UHRF1: variants seen among roughly 807,000 people sequenced by gnomAD.
The protein encoded by UHRF1 is ubiquitin like with PHD and ring finger domains 1, also known as E3 ubiquitin-protein ligase UHRF1.
UHRF1 carries 9 observed loss-of-function variants against 96.5 expected under a neutral mutation model. The observed-to-expected ratio is 0.09, with a 90% CI of 0.06 to 0.16. The LOEUF (loss-of-function observed/expected upper bound fraction) is 0.16, where lower values mean the gene tolerates loss of function less well. Ranked by LOEUF, UHRF1 falls within the 10% of genes least tolerant of loss-of-function variation. The pLI, the probability that UHRF1 is intolerant of heterozygous loss-of-function variation, is 1.00. For missense variants in UHRF1, 626 were observed against 1,131.1 expected (o/e 0.55, Z 6.40); for synonymous variants, 455 against 469.9 (o/e 0.97, Z 0.41).
chr19:4,912,279 C>T (rs1218682432), intron 2 of UHRF1, among the ~76,000 whole-genome samples: 2 of 152,222 alleles, frequency 1.3e-5, no homozygotes, highest in Non-Finnish European at 2.9e-5. Flanking sequence ...CTTCCTCCCT[C>T]CTCCTATGAT....
At chr19:4,947,024 TGGGGAG>T in intron 10 of UHRF1, 75 bp from the exon 11 acceptor site, 1 of 1,078,962 alleles carries the variant, frequency 9.3e-7, no homozygotes, top group East Asian at 2.4e-5. Flanking sequence ...GTAGCCATCC[TGGGGAG>T]TTTGCTTTCA....
upstream of UHRF1, chr19:4,909,349 G>C (rs1333973120): frequency 1.0e-5 from 6 of 593,262 alleles, no homozygotes; most frequent in Admixed American, 3.0e-5. Context: ...CCCACTAGGC[G>C]GAGGCGCCGT....
At chr19:4,926,769 A>G (rs2032884161) in intron 2 of UHRF1, among the ~76,000 whole-genome samples, 1 of 122,222 alleles carries the variant, frequency 8.2e-6, no homozygotes, top group Non-Finnish European at 1.6e-5. Flanking sequence ...TTTCTAAAGG[A>G]AAAAAAAAAA....
chr19:4,917,793 G>C (rs1458314489), intron 2 of UHRF1, among the ~76,000 whole-genome samples: 2 of 151,438 alleles, frequency 1.3e-5, no homozygotes, highest in Non-Finnish European at 2.9e-5. Flanking sequence ...GAGTAGCTGG[G>C]ACTACAGGTG....
At chr19:4,951,023 T>C in intron 13 of UHRF1, 27 bp downstream of exon 13, 2 of 1,575,280 alleles carry the variant, frequency 1.3e-6, no homozygotes, top group Admixed American at 3.8e-5. Context: ...GGATGGCACT[T>C]TGGGAGGCCA....
chr19:4,953,749 A>C (rs534819579), intron 13 of UHRF1, among the ~76,000 whole-genome samples: 1 of 152,342 alleles, frequency 6.6e-6, no homozygotes, highest in Admixed American at 6.5e-5. Context: ...TATTTAATAA[A>C]AATTAGAATG....
intron 16 of UHRF1, among the ~76,000 whole-genome samples, chr19:4,959,951 C>T (rs2033948359): frequency 6.6e-6 from 1 of 152,238 alleles, no homozygotes; most frequent in Non-Finnish European, 1.5e-5. Flanking sequence ...ACCTCCGCCT[C>T]CCGGGTTCAA....
Position 4,954,590 on chromosome 19 carries a change from G to A in UHRF1, c.1958-60G>A, listed in dbSNP as rs2033803660. The A allele has an allele frequency of 6.3e-7, 1 of 1,592,862 alleles. No individual in the cohort carries two copies. Among genetic ancestry groups the A allele is most frequent in the Admixed American group, 1.7e-5 (1 of 57,646 alleles). ...GGTCGTGTGGACGTGGGAGCCGGTGGCTGTCTCTCCGGCAGCTCGGGCCAC... is the reference window on the plus strand; with the variant it reads ...GGTCGTGTGGACGTGGGAGCCGGTGACTGTCTCTCCGGCAGCTCGGGCCAC... On this transcript the variant is annotated intron_variant, in intron 14 of 16. Transcript: ENST00000650932. The surrounding 1 kb of genome is among the most constrained non-coding windows in gnomAD (Gnocchi z 5.9).
chr19:4,922,152 G>A (rs2032722123), intron 2 of UHRF1, among the ~76,000 whole-genome samples: 1 of 152,124 alleles, frequency 6.6e-6, no homozygotes, highest in African/African-American at 2.4e-5. Context: ...TCACCATGTT[G>A]GCCAGGCTGG....
intron 11 of UHRF1, 28 bp from the exon 12 acceptor site, chr19:4,950,583 A>G (rs1335951705): frequency 4.4e-6 from 7 of 1,604,242 alleles, no homozygotes; most frequent in Non-Finnish European, 5.1e-6. Context: ...CTCACCTATA[A>G]TGCGTGGGGT....
At chr19:4,914,260 G>A (rs2032405158) in intron 2 of UHRF1, among the ~76,000 whole-genome samples, 2 of 152,088 alleles carry the variant, frequency 1.3e-5, no homozygotes, top group African/African-American at 4.8e-5. Context: ...GCGGGAAGGC[G>A]GGACAGAGGC....
chr19:4,927,092 A>C (rs181410069), intron 2 of UHRF1, among the ~76,000 whole-genome samples: 21 of 151,742 alleles, frequency 1.4e-4, no homozygotes, highest in South Asian at 4.2e-4. Flanking sequence ...CAAAACAAAA[A>C]AAAACAGGCC....
chr19:4,920,457 C>G (rs559928505), intron 2 of UHRF1, among the ~76,000 whole-genome samples: 4 of 151,982 alleles, frequency 2.6e-5, no homozygotes, highest in Admixed American at 6.6e-5. Flanking sequence ...AAGTAAGTCC[C>G]ACGTAGCCAT....
chr19:4,930,610 A>G lies in UHRF1; in HGVS notation c.409-106A>G, dbSNP rs939632519. The G allele has an allele frequency of 9.3e-5, 128 of 1,377,370 alleles. No homozygotes were observed. Among genetic ancestry groups the G allele is most frequent in the Non-Finnish European group, 1.1e-4 (114 of 1,008,100 alleles). The allele number at this position is 1,377,370 out of a possible 1,614,324, so 85.3% of individuals were successfully genotyped here. A position where few individuals can be genotyped will look rare whatever the true frequency, so the allele number is the denominator to read the frequency against. On this transcript the variant is annotated intron_variant, in intron 3 of 16. Coordinates refer to ENST00000650932, the MANE Select transcript of UHRF1 (RefSeq NM_001048201.3). The surrounding 1 kb of genome is among the most constrained non-coding windows in gnomAD (Gnocchi z 4.4). ...GGAGAAACCTCGCTGTGGGCATTCGAGTTTGCGCCCTGGTTCCAGAGCATC... is the reference window on the plus strand; with the variant it reads ...GGAGAAACCTCGCTGTGGGCATTCGGGTTTGCGCCCTGGTTCCAGAGCATC...
chr19:4,958,531 G>A (rs910365161), intron 16 of UHRF1, among the ~76,000 whole-genome samples: 1 of 152,248 alleles, frequency 6.6e-6, no homozygotes, highest in Admixed American at 6.5e-5. Context: ...GTGAAGGCGC[G>A]GAAGCGCTGA....
chr19:4,930,397 G>A lies in UHRF1; in HGVS notation c.409-319G>A, dbSNP rs557307155. ...TGCTGGTATTCCAGGCGTGAGCCAC[G>A]ACGCCCTGCCTGGATTTCCAGCTTC... is the stretch of plus-strand genomic sequence containing the variant. On this transcript the variant is annotated intron_variant, in intron 3 of 16. Coordinates refer to ENST00000650932, the MANE Select transcript of UHRF1 (RefSeq NM_001048201.3). This position sits in a 1 kb window ranked among gnomAD's most constrained non-coding sequence, Gnocchi z 4.4. 4.5e-4 allele frequency among the ~76,000 whole-genome samples: 69 copies of A among 152,326 alleles called. No homozygotes were observed. Among genetic ancestry groups the A allele is most frequent in the African/African-American group, 1.4e-3 (58 of 41,576 alleles).
At position 4,954,660 on chromosome 19, in the gene UHRF1, G is replaced by A. The variant is rs963756031; in HGVS notation, c.1968G>A (p.Pro656=). 5.0e-6 allele frequency: 8 copies of A among 1,612,426 alleles called. No homozygotes were observed. Among genetic ancestry groups the A allele is most frequent in the East Asian group, 2.2e-5 (1 of 44,836 alleles). ...CCCACCCTCTTCCAGGAGGTGGCCC[G>A]AGCAGGGCCGGGTCCCCGCGCCGGA... ...KWKRKSAGGG[P]SRAGSPRRTS... Residue 656 remains proline, a synonymous_variant, in exon 15 of 17, where the codon CCG becomes CCA. Coordinates refer to ENST00000650932, the MANE Select transcript of UHRF1 (RefSeq NM_001048201.3). The surrounding 1 kb of genome is among the most constrained non-coding windows in gnomAD (Gnocchi z 5.9).
intron 13 of UHRF1, among the ~76,000 whole-genome samples, chr19:4,953,266 T>A (rs1030484060): frequency 2.6e-5 from 4 of 152,196 alleles, no homozygotes; most frequent in African/African-American, 9.7e-5. Context: ...AGGGGGACAC[T>A]TCGAAGGTCC....
chr19:4,911,303 G>C (rs978643416), intron 2 of UHRF1, among the ~76,000 whole-genome samples: 2 of 152,164 alleles, frequency 1.3e-5, no homozygotes, highest in African/African-American at 4.8e-5. Flanking sequence ...TTTTTTCAAA[G>C]CTCCGCCTCA....
Sources: allele counts gnomAD v4.1 joint callset (sites outside exome capture counted in the v4.1 genomes callset), GRCh38; gene constraint gnomAD v4.1.1; non-coding constraint Gnocchi (gnomAD v3.1); transcripts MANE v1.5; gene names NCBI Gene and HGNC (gene_info 2026-07-23, HGNC 2026-07-21).